Variants in ACTR2 observed in about 807,000 individuals in gnomAD.
The protein encoded by ACTR2 is actin related protein 2.
A neutral mutation model predicts 50.2 loss-of-function variants in ACTR2; 5 were observed. The ratio of observed to expected loss-of-function variants is 0.10; its 90% CI spans 0.05 to 0.21. The LOEUF is 0.21. ACTR2 is among the 10% of genes least tolerant of loss of function. The pLI, the probability that ACTR2 is intolerant of heterozygous loss-of-function variation, is 1.00. For synonymous variants in ACTR2, 140 were observed against 162.9 expected (o/e 0.86, Z 1.07); for missense variants, 180 against 480.6 (o/e 0.37, Z 5.85).
chr2:65,247,671 T>C (rs2103998422), intron 3 of ACTR2, among the ~76,000 whole-genome samples: 1 of 152,246 alleles, frequency 6.6e-6, no homozygotes, highest in South Asian at 2.1e-4. Flanking sequence ...TTCATCGTCA[T>C]TGTCTTCACA....
At chr2:65,259,428 A>AT (rs908347425) in intron 6 of ACTR2, among the ~76,000 whole-genome samples, 8 of 151,920 alleles carry the variant, frequency 5.3e-5, no homozygotes, top group Admixed American at 2.6e-4. Flanking sequence ...TCTCAAAAAA[A>AT]ATATATATGT....
rs950252989 is a variant in ACTR2 at position 65,256,728 on chromosome 2, T to C, written c.735+1034T>C. On this transcript the variant is annotated intron_variant, in intron 6 of 8. Transcript: ENST00000260641. ...TTTACTGAAAATACAAAAAATTAGCTGGGCAAGGTGGTGGGCACCTGTAGT... is the reference window on the plus strand; with the variant it reads ...TTTACTGAAAATACAAAAAATTAGCCGGGCAAGGTGGTGGGCACCTGTAGT... Among the ~76,000 whole-genome samples the C allele has an allele frequency of 5.3e-5, 8 of 152,050 alleles. No homozygotes were observed. The South Asian group carries it at 1.7e-3, about 32-fold the overall frequency.
At chr2:65,235,197 G>T (rs1254809439) in intron 1 of ACTR2, among the ~76,000 whole-genome samples, 1 of 151,756 alleles carries the variant, frequency 6.6e-6, no homozygotes, top group East Asian at 1.9e-4. Flanking sequence ...TGTGCACGTG[G>T]TGTGTGTGTT....
chr2:65,246,557 C>T lies in ACTR2; in HGVS notation c.193C>T (p.Arg65Ter). The change falls in exon 3 of 9, where the codon CGA becomes TGA. Residue 65 changes from arginine (R) to a stop codon, truncating the protein, a stop_gained. Transcript: ENST00000260641. LOFTEE classifies it high-confidence loss of function. ...GGTTGGTGATGAGGCAAGTGAATTA[C>T]GATCAATGTTAGAAGTTAACTACCC... Reference protein sequence around the residue: ...LMVGDEASELRSMLEVNYPME... With the variant: ...LMVGDEASEL 2 of 1,609,784 alleles carry T rather than the reference C, an allele frequency of 1.2e-6. No homozygotes were observed. Among genetic ancestry groups the T allele is most frequent in the Non-Finnish European group, 1.7e-6 (2 of 1,178,460 alleles).
intron 1 of ACTR2, among the ~76,000 whole-genome samples, chr2:65,230,506 G>A (rs1054510016): frequency 2.0e-5 from 3 of 150,414 alleles, no homozygotes; most frequent in Admixed American, 2.0e-4. Flanking sequence ...CTGCCTCCTG[G>A]GCTCAAGCGG....
rs778531443 is a variant in ACTR2 at position 65,253,868 on chromosome 2, A to T, written c.585+4A>T. 1.2e-6 allele frequency: 2 copies of T among 1,607,156 alleles called. No individual in the cohort carries two copies. Among genetic ancestry groups the T allele is most frequent in the Non-Finnish European group, 1.7e-6 (2 of 1,174,820 alleles). On this transcript the variant is annotated splice_donor_region_variant and intron_variant, in intron 5 of 8. Transcript: ENST00000260641. ...TATAACTAGATATCTTATCAAGGTA[A>T]GTGAAAGGAAAATATCATGGAAATT...
rs1237817099 is a variant in ACTR2, at chr2:65,246,756, G to A, written c.375+17G>A. ...ATTGTAGAGGTGAGTTTTTATGCAG[G>A]ATATGCATATGTGTATTTCTGTGAT... On this transcript the variant is annotated intron_variant, in intron 3 of 8. Transcript: ENST00000260641. 2.7e-6 allele frequency: 4 copies of A among 1,503,778 alleles called. No homozygotes were observed. The highest frequency in any genetic ancestry group is 3.7e-6 in the Non-Finnish European group (4 of 1,093,410). 93.2% of individuals were successfully genotyped at this position (1,503,778 alleles called of 1,614,324 possible).
intron 2 of ACTR2, among the ~76,000 whole-genome samples, chr2:65,242,428 C>G (rs1283954366): frequency 2.0e-5 from 3 of 151,846 alleles, no homozygotes; most frequent in Admixed American, 6.6e-5. Context: ...GAAGTTGTTA[C>G]ATTTGAATAA....
chr2:65,251,102 A>G lies in ACTR2; in HGVS notation c.448+3A>G, dbSNP rs374879066. On this transcript the variant is annotated splice_donor_region_variant and intron_variant, in intron 4 of 8. Coordinates refer to ENST00000260641, the MANE Select transcript of ACTR2 (RefSeq NM_005722.4). ...AGTTCTGACTTTGTACGCTCAAGGT[A>G]GGTTAAGCTTAACTGTTAGAAAAAA... The G allele has an allele frequency of 7.5e-6, 12 of 1,592,494 alleles. No homozygotes were observed. Among genetic ancestry groups the G allele is most frequent in the East Asian group, 4.5e-5 (2 of 44,160 alleles).
chr2:65,255,028 T>G (rs1019800780), intron 5 of ACTR2, among the ~76,000 whole-genome samples: 1 of 152,198 alleles, frequency 6.6e-6, no homozygotes, highest in Admixed American at 6.5e-5. Context: ...TTAAGAAATG[T>G]AACAATGGAG....
At chr2:65,262,824 A>G (rs562738486) in intron 7 of ACTR2, among the ~76,000 whole-genome samples, 3 of 151,766 alleles carry the variant, frequency 2.0e-5, no homozygotes, top group South Asian at 4.2e-4. Flanking sequence ...TTAGCCAGGT[A>G]TGGTGGTGGT....
At chr2:65,240,698 GTTC>G (rs1247395507) in intron 2 of ACTR2, among the ~76,000 whole-genome samples, 1 of 152,186 alleles carries the variant, frequency 6.6e-6, no homozygotes, top group African/African-American at 2.4e-5. Context: ...TTGGCTTTAA[GTTC>G]TTCAGGTGAC....
chr2:65,238,649 A>ACT (rs34271403), intron 1 of ACTR2, among the ~76,000 whole-genome samples: 43,329 of 135,166 alleles, frequency 0.32, 8,018 homozygotes, highest in African/African-American at 0.47. Context: ...ACAGAGCGAG[A>ACT]CTGTCTAAAA....
chr2:65,240,077 G>A (rs752638634), intron 2 of ACTR2, 115 bp downstream of exon 2: 3 of 657,512 alleles, frequency 4.6e-6, no homozygotes, highest in Non-Finnish European at 7.7e-6. Context: ...AAGCAAAGGG[G>A]AGGGTAGAAG....
chr2:65,246,343 G>A (rs1030115002), intron 2 of ACTR2, 181 bp from the exon 3 acceptor site: 18 of 504,562 alleles, frequency 3.6e-5, no homozygotes, highest in Non-Finnish European at 6.3e-5. Flanking sequence ...CACATTGTAT[G>A]TAAAAATGTA....
At chr2:65,253,175 C>T (rs114485143) in intron 4 of ACTR2, among the ~76,000 whole-genome samples, 5 of 152,118 alleles carry the variant, frequency 3.3e-5, no homozygotes, top group Admixed American at 6.5e-5. Context: ...TGTGGTGGCT[C>T]ACGCCTGTAA....
intron 7 of ACTR2, among the ~76,000 whole-genome samples, chr2:65,263,907 T>C (rs1196433856): frequency 6.6e-6 from 1 of 151,906 alleles, no homozygotes; most frequent in South Asian, 2.1e-4. Context: ...TACAAAAAAT[T>C]AGCTGGGTGT....
intron 3 of ACTR2, 120 bp downstream of exon 3, chr2:65,246,859 TTAAG>T: frequency 1.3e-6 from 1 of 757,294 alleles, no homozygotes; most frequent in African/African-American, 1.8e-5. Flanking sequence ...TCAGATCTTA[TTAAG>T]TATCTACTAT....
intron 6 of ACTR2, among the ~76,000 whole-genome samples, chr2:65,256,222 G>A (rs1013259369): frequency 3.9e-5 from 6 of 152,120 alleles, no homozygotes; most frequent in African/African-American, 1.4e-4. Flanking sequence ...CTTTGGAAAT[G>A]GTCATTCTAG....
Sources: allele counts gnomAD v4.1 joint callset (sites outside exome capture counted in the v4.1 genomes callset), GRCh38; gene constraint gnomAD v4.1.1; transcripts MANE v1.5; gene names NCBI Gene and HGNC (gene_info 2026-07-23, HGNC 2026-07-21).